Variants in CACNA2D1 observed in about 807,000 individuals in gnomAD.
CACNA2D1 encodes the protein voltage-dependent calcium channel subunit alpha-2/delta-1.
Under a neutral mutation model 171.5 loss-of-function variants are expected in CACNA2D1, and 53 were observed. The observed-to-expected ratio is 0.31, with a 90% CI of 0.25 to 0.39. CACNA2D1 has a LOEUF of 0.39. Among genes scored for constraint, CACNA2D1 ranks in the 10% least tolerant of loss-of-function variants. CACNA2D1 has a pLI of 1.00. For missense variants in CACNA2D1, 903 were observed against 1,299.8 expected (o/e 0.69, Z 4.69); for synonymous variants, 442 against 443.1 (o/e 1.00, Z 0.03).
At chr7:82,147,124 C>T (rs1453130888) in intron 4 of CACNA2D1, among the ~76,000 whole-genome samples, 5 of 150,746 alleles carry the variant, frequency 3.3e-5, no homozygotes, top group African/African-American at 4.9e-5. Flanking sequence ...TACAAAAGCT[C>T]GAATAAGTTA....
intron 3 of CACNA2D1, among the ~76,000 whole-genome samples, chr7:82,254,914 T>C (rs926828467): frequency 2.0e-5 from 3 of 152,180 alleles, no homozygotes; most frequent in Admixed American, 1.3e-4. Flanking sequence ...GTCTTTCACC[T>C]TTACAAACTT....
intron 10 of CACNA2D1, among the ~76,000 whole-genome samples, chr7:82,057,645 G>A (rs1182531657): frequency 6.6e-6 from 1 of 152,056 alleles, no homozygotes; most frequent in African/African-American, 2.4e-5. Context: ...GCTACATAAT[G>A]GTAAGAGGGA....
intron 15 of CACNA2D1, among the ~76,000 whole-genome samples, chr7:82,011,506 T>A (rs73705439): frequency 6.6e-6 from 1 of 151,864 alleles, no homozygotes; most frequent in Non-Finnish European, 1.5e-5. Flanking sequence ...TAATGACATA[T>A]CTTTACTAAA....
At chr7:82,066,901 C>T (rs3801767) in intron 7 of CACNA2D1, among the ~76,000 whole-genome samples, 68,357 of 151,766 alleles carry the variant, frequency 0.45, 16,816 homozygotes, top group African/African-American at 0.66. Context: ...CTTATATTTT[C>T]GTTCAATGCC....
intron 4 of CACNA2D1, among the ~76,000 whole-genome samples, chr7:82,162,098 C>T (rs760512634): frequency 2.0e-5 from 3 of 151,928 alleles, no homozygotes; most frequent in Non-Finnish European, 4.4e-5. Context: ...CATGCTCATT[C>T]GATTTGATGA....
intron 1 of CACNA2D1, among the ~76,000 whole-genome samples, chr7:82,402,604 G>A (rs190806056): frequency 1.9e-3 from 278 of 149,244 alleles, no homozygotes; most frequent in African/African-American, 6.5e-3. Flanking sequence ...CCAGCTATTC[G>A]GGAGGCTGAG....
At chr7:82,082,374 G>A (rs1584678289) in intron 7 of CACNA2D1, among the ~76,000 whole-genome samples, 1 of 152,182 alleles carries the variant, frequency 6.6e-6, no homozygotes, top group East Asian at 1.9e-4. Flanking sequence ...AGGAATGTAT[G>A]GGTCATCCCT....
At chr7:82,241,513 C>T (rs917142586) in intron 3 of CACNA2D1, among the ~76,000 whole-genome samples, 1 of 152,158 alleles carries the variant, frequency 6.6e-6, no homozygotes, top group African/African-American at 2.4e-5. Flanking sequence ...TGGGAATACT[C>T]ACTTCAAATC....
chr7:82,020,789 G>T (rs1241412739), intron 12 of CACNA2D1: 1 of 152,106 alleles, frequency 6.6e-6, no homozygotes, highest in African/African-American at 2.4e-5. Context: ...GAAATTTCCT[G>T]TATTTATTGC....
chr7:82,223,404 C>T (rs1448890931), intron 3 of CACNA2D1, among the ~76,000 whole-genome samples: 7 of 152,084 alleles, frequency 4.6e-5, no homozygotes, highest in Non-Finnish European at 8.8e-5. Flanking sequence ...ATTAAACATA[C>T]TATATATTAT....
chr7:82,051,800 G>A (rs967032634), intron 10 of CACNA2D1, among the ~76,000 whole-genome samples: 1 of 152,048 alleles, frequency 6.6e-6, no homozygotes, highest in African/African-American at 2.4e-5. Flanking sequence ...ATCAGAACAC[G>A]CTGTGATTGA....
intron 3 of CACNA2D1, among the ~76,000 whole-genome samples, chr7:82,181,767 T>G (rs1445109775): frequency 6.6e-6 from 1 of 152,322 alleles, no homozygotes; most frequent in Non-Finnish European, 1.5e-5. Flanking sequence ...ATTCAGAAAT[T>G]TAATTGTAAC....
intron 15 of CACNA2D1, among the ~76,000 whole-genome samples, chr7:82,011,778 C>A (rs1279523581): frequency 6.6e-6 from 1 of 152,134 alleles, no homozygotes; most frequent in Non-Finnish European, 1.5e-5. Context: ...TTTAAAAATA[C>A]TTTCTTCAAA....
chr7:82,019,095 G>A (rs1800863871), intron 12 of CACNA2D1, among the ~76,000 whole-genome samples: 1 of 151,994 alleles, frequency 6.6e-6, no homozygotes, highest in Non-Finnish European at 1.5e-5. Context: ...GCTGAGGCAG[G>A]TGGATCATGA....
intron 1 of CACNA2D1, among the ~76,000 whole-genome samples, chr7:82,400,898 C>T (rs1291993706): frequency 3.3e-5 from 5 of 151,942 alleles, no homozygotes; most frequent in Non-Finnish European, 7.4e-5. Context: ...GGGTGAAGGA[C>T]ATGAACAGAC....
At chr7:82,030,324 A>T (rs971273256) in intron 12 of CACNA2D1, among the ~76,000 whole-genome samples, 6 of 151,472 alleles carry the variant, frequency 4.0e-5, no homozygotes, top group Non-Finnish European at 5.9e-5. Context: ...TTGTGTGTTT[A>T]AAAAAAAGAA....
Position 82,322,334 on chromosome 7 carries a change from G to A in CACNA2D1, c.294+12801C>T, listed in dbSNP as rs1022993210. 2.6e-5 allele frequency among the ~76,000 whole-genome samples: 4 copies of A among 151,400 alleles called. No homozygotes were observed. The East Asian group carries it at 7.7e-4, about 29-fold the overall frequency. On this transcript the variant is annotated intron_variant, in intron 3 of 38. Transcript: ENST00000356860. The stretch of plus-strand genomic sequence containing the variant: ...ATTCCATCAAGATTTATGATTTTGG[G>A]CCGGGCATGGTGGCTCACACCTATA...
chr7:82,273,418 A>G (rs1808897312), intron 3 of CACNA2D1, among the ~76,000 whole-genome samples: 1 of 151,464 alleles, frequency 6.6e-6, no homozygotes, highest in Admixed American at 6.6e-5. Flanking sequence ...TGTTGCCATT[A>G]TGATTCTATT....
At chr7:82,055,930 G>GTATATATATA (rs58786082) in intron 10 of CACNA2D1, among the ~76,000 whole-genome samples, 87 of 111,450 alleles carry the variant, frequency 7.8e-4, no homozygotes, top group African/African-American at 1.7e-3. Context: ...GTGTGTGTGT[G>GTATATATATA]TATATATATA....
Sources: gnomAD v4.1 joint callset for allele counts (sites outside exome capture counted in the v4.1 genomes callset) on GRCh38, gnomAD v4.1.1 for gene constraint, MANE v1.5 for transcripts, NCBI Gene and HGNC (gene_info 2026-07-23, HGNC 2026-07-21) for gene names.